The following ABL1 variants were observed in gnomAD, a reference collection of about 807,000 sequenced individuals.
ABL1 encodes ABL proto-oncogene 1, non-receptor tyrosine kinase.
Under a neutral mutation model 94.7 loss-of-function variants are expected in ABL1, and 11 were observed. The ratio of observed to expected loss-of-function variants is 0.12; its 90% CI spans 0.07 to 0.19. ABL1 has a LOEUF of 0.19. Ranked by LOEUF, ABL1 falls within the 10% of genes least tolerant of loss-of-function variation. The pLI is 1.00. For missense variants in ABL1, 1,082 were observed against 1,489.4 expected, an observed-to-expected ratio of 0.73 and a Z score of 4.50; for synonymous variants, 656 against 622.4, an observed-to-expected ratio of 1.05 and a Z score of -0.80.
At chr9:130,867,654 T>C (rs1035485326) in intron 4 of ABL1, among the ~76,000 whole-genome samples, 3 of 152,206 alleles carry the variant, frequency 2.0e-5, no homozygotes, top group African/African-American at 4.8e-5. Flanking sequence ...TGGGTGTTAG[T>C]TGGGGAGCTC....
At chr9:130,753,422 CTTTTTTTTTT>C (rs71389347) in intron 1 of ABL1, among the ~76,000 whole-genome samples, 2 of 90,342 alleles carry the variant, frequency 2.2e-5, no homozygotes, top group Admixed American at 1.3e-4. Flanking sequence ...TTTTTCTTTT[CTTTTTTTTTT>C]TTTTTTTTTT....
Position 130,880,767 on chromosome 9 carries a change from C to T in ABL1, c.1678+103C>T, listed in dbSNP as rs1163300754. On this transcript the variant is annotated intron_variant, in intron 10 of 10. Coordinates refer to ENST00000318560, the MANE Select transcript of ABL1 (RefSeq NM_005157.6). This position sits in a 1 kb window ranked among gnomAD's most constrained non-coding sequence, Gnocchi z 4.4. ...CGGGAAGCTGTGAATGGAGCCCGCA[C>T]AGAAGGGCAGCCATGGCCTTTGTCA... is the stretch of plus-strand genomic sequence containing the variant. 1.2e-5 allele frequency: 16 copies of T among 1,365,644 alleles called. No homozygotes were observed. The highest frequency in any genetic ancestry group is 2.9e-5 in the African/African-American group (2 of 68,762). 84.6% of individuals were successfully genotyped at this position (1,365,644 alleles called of 1,614,324 possible). A position where few individuals can be genotyped will look rare whatever the true frequency, so the allele number is the denominator to read the frequency against.
intron 1 of ABL1, among the ~76,000 whole-genome samples, chr9:130,840,591 G>T (rs965807762): frequency 6.6e-6 from 1 of 152,136 alleles, no homozygotes; most frequent in Non-Finnish European, 1.5e-5. Flanking sequence ...CTCCATAATG[G>T]TGGATCTTAA....
At chr9:130,785,830 C>T (rs893108592) in intron 1 of ABL1, among the ~76,000 whole-genome samples, 2 of 146,808 alleles carry the variant, frequency 1.4e-5, no homozygotes, top group East Asian at 2.0e-4. Flanking sequence ...GGCTGAGGCA[C>T]AAGAATCGCT....
intron 1 of ABL1, among the ~76,000 whole-genome samples, chr9:130,714,862 A>G (rs1428093733): frequency 1.3e-5 from 2 of 152,186 alleles, no homozygotes; most frequent in Non-Finnish European, 2.9e-5. Context: ...GAGAGCTTTT[A>G]TCATATTCTC....
Position 130,884,190 on chromosome 9 carries a change from G to T in ABL1, c.1900G>T (p.Gly634Cys). The T allele has an allele frequency of 6.2e-7, 1 of 1,612,082 alleles. No individual in the cohort carries two copies. The highest frequency in any genetic ancestry group is 1.1e-5 in the South Asian group (1 of 90,912). Residue 634 changes from glycine to cysteine, a missense_variant, in exon 11 of 11, where the codon GGC becomes TGC. Physicochemically the swap from Gly to Cys is radical, Grantham distance 159 (BLOSUM62 -3). Transcript: ENST00000318560. The surrounding 1 kb of genome is among the most constrained non-coding windows in gnomAD (Gnocchi z 5.6). ...MDGQPERRGA[G>C]EEEGRDISNG... ...CGGCCAGCCGGAGCGCAGAGGGGCC[G>T]GCGAGGAAGAGGGCCGAGACATCAG...
At chr9:130,731,299 G>A (rs901921401) in intron 1 of ABL1, among the ~76,000 whole-genome samples, 10 of 152,026 alleles carry the variant, frequency 6.6e-5, no homozygotes, top group Non-Finnish European at 1.0e-4. Flanking sequence ...GAGCCACTGC[G>A]TCCGGCTGCT....
intron 1 of ABL1, among the ~76,000 whole-genome samples, chr9:130,846,324 G>A (rs902514969): frequency 5.3e-5 from 8 of 152,148 alleles, no homozygotes; most frequent in African/African-American, 1.7e-4. Flanking sequence ...CCGCTGGAAC[G>A]GAGTATGAAA....
rs1416994386 is a variant in ABL1 at position 130,880,241 on chromosome 9, C to T, written c.1513+84C>T. 7.7e-6 allele frequency: 11 copies of T among 1,432,124 alleles called. No homozygotes were observed. The highest frequency in any genetic ancestry group is 1.4e-5 in the African/African-American group (1 of 71,076). 88.7% of individuals were successfully genotyped at this position (1,432,124 alleles called of 1,614,324 possible). On this transcript the variant is annotated intron_variant, in intron 9 of 10. Coordinates refer to ENST00000318560, the MANE Select transcript of ABL1 (RefSeq NM_005157.6). The surrounding 1 kb of genome is among the most constrained non-coding windows in gnomAD (Gnocchi z 4.4). ...CAGCCTGGGTCATTCGGTTCACTTC[C>T]TGGTGAAAGTTCACAGACCAGCCTG...
chr9:130,884,705 C>T lies in ABL1; in HGVS notation c.2415C>T (p.Ser805=). 1 of 1,612,710 alleles carries T rather than the reference C, an allele frequency of 6.2e-7. No individual in the cohort carries two copies. Among genetic ancestry groups the T allele is most frequent in the Non-Finnish European group, 8.5e-7 (1 of 1,179,950 alleles). ...DEVFKDIMES[S]PGSSPPNLTP... ...TCTTCAAAGACATCATGGAGTCCAG[C>T]CCGGGCTCCAGCCCGCCCAACCTGA... is the stretch of plus-strand genomic sequence containing the variant. Residue 805 remains serine (S), a synonymous_variant, in exon 11 of 11, where the codon AGC becomes AGT. Coordinates refer to ENST00000318560, the MANE Select transcript of ABL1 (RefSeq NM_005157.6). The surrounding 1 kb of genome is among the most constrained non-coding windows in gnomAD (Gnocchi z 5.6).
intron 1 of ABL1, among the ~76,000 whole-genome samples, chr9:130,760,589 G>C (rs1182138638): frequency 1.3e-5 from 2 of 151,998 alleles, no homozygotes; most frequent in African/African-American, 4.8e-5. Context: ...TAAATTCTCA[G>C]TATACTGCTT....
chr9:130,764,375 G>T (rs1413962031), intron 1 of ABL1, among the ~76,000 whole-genome samples: 1 of 152,192 alleles, frequency 6.6e-6, no homozygotes, highest in Non-Finnish European at 1.5e-5. Context: ...ACTAGCTCTG[G>T]TCCTGTTGGT....
At chr9:130,849,741 C>T (rs1830828025) in intron 1 of ABL1, among the ~76,000 whole-genome samples, 1 of 152,198 alleles carries the variant, frequency 6.6e-6, no homozygotes, top group South Asian at 2.1e-4. Flanking sequence ...TAGTCTCAAA[C>T]TCCTGACCTC....
intron 1 of ABL1, among the ~76,000 whole-genome samples, chr9:130,727,421 A>G (rs1445040166): frequency 1.3e-5 from 2 of 152,002 alleles, no homozygotes; most frequent in Non-Finnish European, 1.5e-5. Flanking sequence ...CTATAATGAT[A>G]TATTCGTTTA....
intron 1 of ABL1, among the ~76,000 whole-genome samples, chr9:130,816,433 C>G (rs1017285877): frequency 6.6e-6 from 1 of 152,024 alleles, no homozygotes; most frequent in East Asian, 1.9e-4. Context: ...CTCAGCTTCC[C>G]AAAGTGCTGG....
chr9:130,796,305 T>G (rs1006103836), intron 1 of ABL1, among the ~76,000 whole-genome samples: 1 of 152,208 alleles, frequency 6.6e-6, no homozygotes, highest in Non-Finnish European at 1.5e-5. Context: ...AGTGGATTGC[T>G]TGAGCCCAGG....
In ABL1 at chr9:130,872,337, G is replaced by A. The variant is rs34270606; in HGVS notation, c.907+124G>A. 8.4e-4 allele frequency: 723 copies of A among 862,174 alleles called. No individual in the cohort carries two copies. Among genetic ancestry groups the A allele is most frequent in the African/African-American group, 7.3e-3 (432 of 59,068 alleles). The allele number at this position is 862,174 out of a possible 1,614,324, so 53.4% of individuals were successfully genotyped here. On this transcript the variant is annotated intron_variant, in intron 5 of 10. Coordinates refer to ENST00000318560, the MANE Select transcript of ABL1 (RefSeq NM_005157.6). The surrounding 1 kb of genome is among the most constrained non-coding windows in gnomAD (Gnocchi z 5.0). ...CTCGTTGGAATATTTGTGCTCTGCC[G>A]ACGTTCAGCCGCGGGTAAAATGAGG...
intron 1 of ABL1, among the ~76,000 whole-genome samples, chr9:130,774,222 G>A (rs1044670069): frequency 6.6e-6 from 1 of 152,164 alleles, no homozygotes; most frequent in African/African-American, 2.4e-5. Context: ...AAAGCTGCTA[G>A]AACACATATG....
intron 4 of ABL1, among the ~76,000 whole-genome samples, chr9:130,866,727 C>T (rs1055579185): frequency 6.6e-6 from 1 of 152,232 alleles, no homozygotes; most frequent in Non-Finnish European, 1.5e-5. Flanking sequence ...AGCAAAGGCT[C>T]ATTGATTGGG....
Sources: gnomAD v4.1 joint callset for allele counts (sites outside exome capture counted in the v4.1 genomes callset) on GRCh38, gnomAD v4.1.1 for gene constraint, Gnocchi (gnomAD v3.1) non-coding constraint, MANE v1.5 for transcripts, NCBI Gene and HGNC (gene_info 2026-07-23, HGNC 2026-07-21) for gene names.